The following APC variants were observed in gnomAD, a reference collection of about 807,000 sequenced individuals.
The protein encoded by APC is APC regulator of Wnt signaling pathway.
Under a neutral mutation model 247.0 loss-of-function variants are expected in APC, and 72 were observed. The ratio of observed to expected loss-of-function variants is 0.29; its 90% CI spans 0.24 to 0.35. APC has a LOEUF of 0.35. Ranked by LOEUF, APC falls within the 10% of genes least tolerant of loss-of-function variation. The probability of loss-of-function intolerance (pLI) is 1.00; values close to 1 mark genes in which losing one functional copy is unlikely to be tolerated. For missense variants in APC, 3,400 were observed against 3,360.7 expected (o/e 1.01, Z -0.29); for synonymous variants, 1,254 against 1,162.5 (o/e 1.08, Z -1.60).
chr5:112,818,223 C>T (rs1051303746), intron 9 of APC, among the ~76,000 whole-genome samples: 1 of 152,168 alleles, frequency 6.6e-6, no homozygotes. Context: ...TTATATAATA[C>T]CCTCTAGCGT....
intron 7 of APC, among the ~76,000 whole-genome samples, chr5:112,796,836 C>G (rs1448089545): frequency 6.6e-6 from 1 of 151,920 alleles, no homozygotes; most frequent in Non-Finnish European, 1.5e-5. Flanking sequence ...CTTTCCCCCC[C>G]ATCTTTCTTG....
At chr5:112,731,782 G>T (rs777572959) in intron 1 of APC, among the ~76,000 whole-genome samples, 1 of 152,094 alleles carries the variant, frequency 6.6e-6, no homozygotes, top group East Asian at 1.9e-4. Flanking sequence ...TTTTGTTTTA[G>T]ACAGAGTCTT....
chr5:112,755,208 A>C (rs1193203546), intron 2 of APC, 183 bp downstream of exon 2: 3 of 460,728 alleles, frequency 6.5e-6, no homozygotes, highest in Non-Finnish European at 8.6e-6. Flanking sequence ...CATTCAGTGA[A>C]TCATATAAAG....
intron 1 of APC, among the ~76,000 whole-genome samples, chr5:112,729,367 G>A (rs999926490): frequency 6.6e-6 from 1 of 152,202 alleles, no homozygotes; most frequent in African/African-American, 2.4e-5. Flanking sequence ...GAAAGTGTGA[G>A]GATAGCACCA....
At chr5:112,711,073 C>G (rs907045451) in intron 1 of APC, among the ~76,000 whole-genome samples, 1 of 152,190 alleles carries the variant, frequency 6.6e-6, no homozygotes, top group African/African-American at 2.4e-5. Flanking sequence ...TCCCCAAACC[C>G]CAGGCTGCAG....
intron 2 of APC, among the ~76,000 whole-genome samples, chr5:112,760,151 C>T (rs1176217307): frequency 1.3e-5 from 2 of 152,062 alleles, no homozygotes; most frequent in African/African-American, 4.8e-5. Context: ...TTGGCACAAG[C>T]AGGAGGACTT....
intron 14 of APC, among the ~76,000 whole-genome samples, chr5:112,832,762 A>C (rs572974490): frequency 6.6e-6 from 1 of 152,274 alleles, no homozygotes; most frequent in Admixed American, 6.5e-5. Flanking sequence ...TCCTCCATGA[A>C]ATATTTGATT....
chr5:112,746,245 C>A lies in APC; in HGVS notation c.-19+8320C>A, dbSNP rs188841904. On this transcript the variant is annotated intron_variant, in intron 1 of 15. Coordinates refer to ENST00000257430, the MANE Select transcript of APC (RefSeq NM_000038.6). ...AAACTTTAAAATACTTTAAAAAAAT[C>A]TTAGCTCTAAAATGGCACCTCTTTT... is the stretch of plus-strand genomic sequence containing the variant. 2.0e-3 allele frequency among the ~76,000 whole-genome samples: 308 copies of A among 152,110 alleles called. 1 individual carries two copies. The highest frequency in any genetic ancestry group is 7.2e-3 in the African/African-American group (297 of 41,530).
In APC at chr5:112,792,532, T is replaced by C. The variant is rs1554074811; in HGVS notation, c.729+3T>C. ...AGTCCCAAGCAACAGAAGCAGAGGTTAGTAAATTGCCTTTCTTGTTTGTGG... is the reference window on the plus strand; with the variant it reads ...AGTCCCAAGCAACAGAAGCAGAGGTCAGTAAATTGCCTTTCTTGTTTGTGG... On this transcript the variant is annotated splice_donor_region_variant and intron_variant, in intron 7 of 15. Transcript: ENST00000257430. 1.2e-6 allele frequency: 2 copies of C among 1,609,804 alleles called. No homozygotes were observed. Among genetic ancestry groups the C allele is most frequent in the Non-Finnish European group, 1.7e-6 (2 of 1,176,654 alleles).
In APC at chr5:112,841,872, C is replaced by T. The variant is rs879254172; in HGVS notation, c.6278C>T (p.Ser2093Phe). ...IQRPDSEHGL[S>F]PDSENFDWKA... Reference sequence around the variant, plus strand: ...AGACCAGATTCAGAACATGGTCTATCCCCTGATTCAGAAAATTTTGATTGG... The same window carrying T: ...AGACCAGATTCAGAACATGGTCTATTCCCTGATTCAGAAAATTTTGATTGG... The change falls in exon 16 of 16, where the codon TCC becomes TTC. Residue 2093 changes from serine to phenylalanine, a missense_variant. Ser to Phe is a radical substitution (Grantham distance 155, BLOSUM62 -2). Transcript: ENST00000257430. This position sits in a 1 kb window ranked among gnomAD's most constrained non-coding sequence, Gnocchi z 4.6. The T allele has an allele frequency of 6.2e-7, 1 of 1,613,746 alleles. No homozygotes were observed. The highest frequency in any genetic ancestry group is 1.3e-5 in the African/African-American group (1 of 74,906).
chr5:112,768,760 C>T (rs1756667172), intron 4 of APC, among the ~76,000 whole-genome samples: 1 of 151,954 alleles, frequency 6.6e-6, no homozygotes, highest in Non-Finnish European at 1.5e-5. Context: ...AGAACACAGT[C>T]CTGTACAGTA....
upstream of APC, among the ~76,000 whole-genome samples, chr5:112,734,189 T>C (rs539702064): frequency 6.6e-6 from 1 of 152,170 alleles, no homozygotes; most frequent in East Asian, 1.9e-4. Flanking sequence ...CAAGACCTCG[T>C]CCCTGAAAAA....
At chr5:112,758,261 G>A (rs1416194882) in intron 2 of APC, among the ~76,000 whole-genome samples, 4 of 152,144 alleles carry the variant, frequency 2.6e-5, no homozygotes, top group Non-Finnish European at 5.9e-5. Context: ...GTTGTGTAGT[G>A]TATTTTTTAC....
In APC at chr5:112,846,142, A is replaced by G. The variant is rs1005852620; in HGVS notation, c.*2016A>G. ...CAATTTACTATCTTTGAAATGATTG[A>G]CCTTTAAATTTTTGCCAAATGTTAT... is the stretch of plus-strand genomic sequence containing the variant. On this transcript the variant is annotated 3_prime_UTR_variant, in exon 16 of 16. Transcript: ENST00000257430. 1 of 232,264 alleles carries G rather than the reference A, an allele frequency of 4.3e-6. No homozygotes were observed. Among genetic ancestry groups the G allele is most frequent in the Non-Finnish European group, 8.5e-6 (1 of 117,542 alleles). 14.4% of individuals were successfully genotyped at this position (232,264 alleles called of 1,614,324 possible). A position where few individuals can be genotyped will look rare whatever the true frequency, so the allele number is the denominator to read the frequency against.
At position 112,839,260 on chromosome 5, in the gene APC, A is replaced by T. The variant is rs1131691141; in HGVS notation, c.3666A>T (p.Ser1222=). The stretch of plus-strand genomic sequence containing the variant: ...GCAGTGAGAATACGTCCACACCTTC[A>T]TCTAATGCCAAGAGGCAGAATCAGC... ...SSSSENTSTP[S]SNAKRQNQLH... The change falls in exon 16 of 16, where the codon TCA becomes TCT. Residue 1222 remains serine (S), a synonymous_variant. Coordinates refer to ENST00000257430, the MANE Select transcript of APC (RefSeq NM_000038.6). The surrounding 1 kb of genome is among the most constrained non-coding windows in gnomAD (Gnocchi z 5.0). 4 of 1,614,192 alleles carry T rather than the reference A, an allele frequency of 2.5e-6. No homozygotes were observed. Among genetic ancestry groups the T allele is most frequent in the Non-Finnish European group, 2.5e-6 (3 of 1,180,030 alleles).
intron 9 of APC, among the ~76,000 whole-genome samples, chr5:112,817,540 T>A (rs1762638887): frequency 1.3e-5 from 2 of 152,202 alleles, no homozygotes; most frequent in Non-Finnish European, 2.9e-5. Flanking sequence ...ATTTTAGGCA[T>A]GGAAATTTAA....
chr5:112,788,870 T>C (rs1010971502), intron 6 of APC, among the ~76,000 whole-genome samples: 1 of 152,194 alleles, frequency 6.6e-6, no homozygotes, highest in African/African-American at 2.4e-5. Flanking sequence ...TCGCAAATAA[T>C]GACAGTTTGT....
At position 112,844,048 on chromosome 5, in the gene APC, C is replaced by A; in HGVS notation, c.8454C>A (p.Ser2818=). 6.2e-7 allele frequency: 1 copy of A among 1,602,326 alleles called. No homozygotes were observed. The highest frequency in any genetic ancestry group is 8.5e-7 in the Non-Finnish European group (1 of 1,177,076). Residue 2818 remains serine, a synonymous_variant, in exon 16 of 16, where the codon TCC becomes TCA. Transcript: ENST00000257430. The part of the protein sequence containing the change: ...PVNNNTKKRD[S]KTDSTESSGT... ...ATAACAACACAAAGAAGCGAGATTC[C>A]AAAACTGACAGCACAGAATCCAGTG... is the stretch of plus-strand genomic sequence containing the variant.
At chr5:112,827,720 T>C (rs1763845424) in intron 12 of APC, among the ~76,000 whole-genome samples, 1 of 152,252 alleles carries the variant, frequency 6.6e-6, no homozygotes, top group African/African-American at 2.4e-5. Context: ...TTTATTTCTC[T>C]AGTTTGACAA....
Sources: gnomAD v4.1 joint callset for allele counts (sites outside exome capture counted in the v4.1 genomes callset) on GRCh38, gnomAD v4.1.1 for gene constraint, Gnocchi (gnomAD v3.1) non-coding constraint, MANE v1.5 for transcripts, NCBI Gene and HGNC (gene_info 2026-07-23, HGNC 2026-07-21) for gene names.